LRATD1: variants seen among roughly 807,000 people sequenced by gnomAD.
The protein encoded by LRATD1 is LRAT domain containing 1.
Under a neutral mutation model 21.3 loss-of-function variants are expected in LRATD1, and 8 were observed. The observed-to-expected ratio is 0.38, with a 90% CI of 0.22 to 0.68. LRATD1 has a LOEUF of 0.68. Among genes scored for constraint, LRATD1 ranks in the 30% least tolerant of loss-of-function variants. The pLI, the probability that LRATD1 is intolerant of heterozygous loss-of-function variation, is 0.54. For synonymous variants in LRATD1, 210 were observed against 186.2 expected, an observed-to-expected ratio of 1.13 and a Z score of -1.04; for missense variants, 380 against 404.0, an observed-to-expected ratio of 0.94 and a Z score of 0.51.
downstream of LRATD1, chr2:14,650,889 A>G (rs1671993051): frequency 6.6e-6 from 1 of 152,206 alleles, no homozygotes; most frequent in Admixed American, 6.5e-5. Flanking sequence ...AATGAACATG[A>G]AAGATTTTAG....
rs1484219807 is a variant in LRATD1, at chr2:14,633,478, G to A, written c.-36-466G>A. ...TGTCATTGTGCGAGCCGCTGTAAGG[G>A]GAGGAAGGCAACCTAGTGCAAAACT... On this transcript the variant is annotated intron_variant, in intron 1 of 1. Coordinates refer to ENST00000295092, the MANE Select transcript of LRATD1 (RefSeq NM_145175.4). The surrounding 1 kb of genome is among the most constrained non-coding windows in gnomAD (Gnocchi z 7.5). The A allele has an allele frequency of 2.5e-5, 4 of 163,108 alleles. No individual in the cohort carries two copies. In the South Asian group the frequency reaches 5.5e-4, roughly 22 times the overall value. 10.1% of individuals were successfully genotyped at this position (163,108 alleles called of 1,614,324 possible).
rs1671684455 is a variant in LRATD1 at position 14,636,180 on chromosome 2, T to C, written c.*1322T>C. On this transcript the variant is annotated 3_prime_UTR_variant, in exon 2 of 2. Coordinates refer to ENST00000295092, the MANE Select transcript of LRATD1 (RefSeq NM_145175.4). ...GTTTTTCAATATTGTAGTTAATTTT[T>C]TGGCTTTCAACAGCAGCCCTAGTAA... The C allele has an allele frequency of 5.8e-6, 1 of 172,926 alleles. No homozygotes were observed. The highest frequency in any genetic ancestry group is 6.0e-5 in the Admixed American group (1 of 16,790). The allele number at this position is 172,926 out of a possible 1,614,324, so 10.7% of individuals were successfully genotyped here.
At chr2:14,645,251 C>T (rs1398466980) in intron 2 of LRATD1, among the ~76,000 whole-genome samples, 3 of 152,252 alleles carry the variant, frequency 2.0e-5, no homozygotes, top group African/African-American at 7.2e-5. Context: ...TGAAATTCAG[C>T]ACATCATACA....
downstream of LRATD1, among the ~76,000 whole-genome samples, chr2:14,641,612 C>G (rs1671806460): frequency 6.6e-6 from 1 of 152,212 alleles, no homozygotes; most frequent in Non-Finnish European, 1.5e-5. Context: ...AGAATCATCA[C>G]TCCCAAGTAA....
At position 14,634,627 on chromosome 2, in the gene LRATD1, C is replaced by T. The variant is rs1671638593; in HGVS notation, c.648C>T (p.Ala216=). 3 of 1,535,924 alleles carry T rather than the reference C, an allele frequency of 2.0e-6. No homozygotes were observed. The African/African-American group carries it at 4.1e-5, about 21-fold the overall frequency. The part of the protein sequence containing the change: ...EICWTNSESF[A]AWCRFGKREF... ...GCTGGACGAACTCGGAGAGCTTCGC[C>T]GCCTGGTGCCGCTTTGGCAAGCGGG... Residue 216 remains alanine (A), a synonymous_variant, in exon 2 of 2, where the codon GCC becomes GCT. Transcript: ENST00000295092.
rs1022283830 is a variant in LRATD1, at chr2:14,635,364, A to G, written c.*506A>G. 1.1e-5 allele frequency: 5 copies of G among 474,386 alleles called. No homozygotes were observed. The highest frequency in any genetic ancestry group is 2.2e-5 in the Non-Finnish European group (5 of 229,498). The allele number at this position is 474,386 out of a possible 1,614,324, so 29.4% of individuals were successfully genotyped here. ...GCGTCCCCAGATCGCAGGATTTCCA[A>G]GAAATCGAGCCTGTCCCTTGTGCAC... On this transcript the variant is annotated 3_prime_UTR_variant, in exon 2 of 2. Coordinates refer to ENST00000295092, the MANE Select transcript of LRATD1 (RefSeq NM_145175.4).
intron 4 of LRATD1, among the ~76,000 whole-genome samples, chr2:14,647,011 G>A (rs1313200635): frequency 6.6e-6 from 1 of 152,160 alleles, no homozygotes; most frequent in African/African-American, 2.4e-5. Context: ...TGAAAAACAC[G>A]TGGCTACACA....
exon 3 of LRATD1, chr2:14,646,186 C>G (rs1267080035): frequency 6.6e-6 from 1 of 152,146 alleles, no homozygotes; most frequent in Non-Finnish European, 1.5e-5. Context: ...TGAAGATGAG[C>G]TCTTAATTTT....
chr2:14,634,667 G>A lies in LRATD1; in HGVS notation c.688G>A (p.Gly230Arg), dbSNP rs781592536. Residue 230 changes from glycine to arginine, a missense_variant, in exon 2 of 2, where the codon GGG becomes AGG. Gly to Arg is a moderately radical substitution (Grantham distance 125, BLOSUM62 -2). Transcript: ENST00000295092. ...RFGKREFKAG[G>R]EVPAGTQPPQ... is the part of the protein sequence containing the mutation. Reference sequence around the variant, plus strand: ...TGGCAAGCGGGAGTTCAAGGCGGGAGGGGAGGTGCCGGCAGGCACGCAGCC... The same window carrying A: ...TGGCAAGCGGGAGTTCAAGGCGGGAAGGGAGGTGCCGGCAGGCACGCAGCC... 63 of 1,554,796 alleles carry A rather than the reference G, an allele frequency of 4.1e-5. No homozygotes were observed. Among genetic ancestry groups the A allele is most frequent in the African/African-American group, 5.5e-5 (4 of 73,036 alleles).
At chr2:14,647,625 A>G (rs2103414285) in intron 4 of LRATD1, among the ~76,000 whole-genome samples, 1 of 152,208 alleles carries the variant, frequency 6.6e-6, no homozygotes, top group African/African-American at 2.4e-5. Context: ...AAGACACTTA[A>G]GACCTTGCTT....
At chr2:14,644,074 T>A (rs79906897), downstream of LRATD1, among the ~76,000 whole-genome samples, 1 of 150,814 alleles carries the variant, frequency 6.6e-6, no homozygotes, top group Non-Finnish European at 1.5e-5. Context: ...TCCTTAAACA[T>A]GTGTTGGGTC....
At chr2:14,642,232 C>A (rs140240166), downstream of LRATD1, among the ~76,000 whole-genome samples, 85 of 152,198 alleles carry the variant, frequency 5.6e-4, no homozygotes, top group Non-Finnish European at 9.7e-4. Flanking sequence ...ATGATGTGAA[C>A]CTTCACTGTG....
Position 14,633,755 on chromosome 2 carries a change from T to TGTGGCGA in LRATD1, c.-36-188_-36-187insTGGCGAG, listed in dbSNP as rs1367791026. 1.7e-6 allele frequency: 1 copy of TGTGGCGA among 602,750 alleles called. No individual in the cohort carries two copies. The highest frequency in any genetic ancestry group is 2.9e-6 in the Non-Finnish European group (1 of 344,052). 37.3% of individuals were successfully genotyped at this position (602,750 alleles called of 1,614,324 possible). On this transcript the variant is annotated intron_variant, in intron 1 of 1. Transcript: ENST00000295092. The surrounding 1 kb of genome is among the most constrained non-coding windows in gnomAD (Gnocchi z 7.5). ...CTGTGTGGTGGCGTCTGCTCTCGCC[T>TGTGGCGA]GACCTGTGGCGGCTTCTCCGCCCCT...
downstream of LRATD1, among the ~76,000 whole-genome samples, chr2:14,642,322 C>A (rs1369020734): frequency 6.6e-6 from 1 of 152,126 alleles, no homozygotes; most frequent in Non-Finnish European, 1.5e-5. Context: ...ATGGTACAAA[C>A]ATTTCTTCTT....
At chr2:14,643,227 T>G (rs766623702), downstream of LRATD1, among the ~76,000 whole-genome samples, 4 of 152,174 alleles carry the variant, frequency 2.6e-5, no homozygotes, top group Non-Finnish European at 4.4e-5. Flanking sequence ...GCTTTATTTG[T>G]GTATAATTTT....
intron 4 of LRATD1, among the ~76,000 whole-genome samples, chr2:14,648,812 G>A (rs149349381): frequency 3.3e-5 from 5 of 152,248 alleles, no homozygotes; most frequent in African/African-American, 7.2e-5. Flanking sequence ...TACTCAGGAC[G>A]TCCATCTGCC....
In LRATD1 at chr2:14,634,795, C is replaced by A. The variant is rs1331530050; in HGVS notation, c.816C>A (p.Ile272=). The A allele has an allele frequency of 1.9e-6, 3 of 1,605,342 alleles. No individual in the cohort carries two copies. The highest frequency in any genetic ancestry group is 2.6e-6 in the Non-Finnish European group (3 of 1,175,060). ...ACCTCATCCGCGAGAAGCGCCGTAT[C>A]GACGCCAGCGGCCGCCTGCGAGTGC... is the stretch of plus-strand genomic sequence containing the variant. ...LEDLIREKRR[I]DASGRLRVLQ... is the part of the protein sequence containing the mutation. Residue 272 remains isoleucine (I), a synonymous_variant, in exon 2 of 2, where the codon ATC becomes ATA. Transcript: ENST00000295092.
rs1400948379 is a variant in LRATD1 at position 14,638,148 on chromosome 2, G to A, written c.*3290G>A. On this transcript the variant is annotated 3_prime_UTR_variant, in exon 2 of 2. Coordinates refer to ENST00000295092, the MANE Select transcript of LRATD1 (RefSeq NM_145175.4). ...TAAACCAAAAATCAAATAAAATAAGGAGGGGGGCTGGGTATACTTTAAACA... is the reference window on the plus strand; with the variant it reads ...TAAACCAAAAATCAAATAAAATAAGAAGGGGGGCTGGGTATACTTTAAACA... 2 of 164,752 alleles carry A rather than the reference G, an allele frequency of 1.2e-5. No homozygotes were observed. Among genetic ancestry groups the A allele is most frequent in the South Asian group, 2.1e-4 (1 of 4,746 alleles). The allele number at this position is 164,752 out of a possible 1,614,324, so 10.2% of individuals were successfully genotyped here.
rs1671775489 is a variant in LRATD1 at position 14,639,871 on chromosome 2, C to CA, written c.*5016dup. On this transcript the variant is annotated 3_prime_UTR_variant, in exon 2 of 2. Transcript: ENST00000295092. The stretch of plus-strand genomic sequence containing the variant: ...GAAAGCCCGTCACTTGCCTTGCCTG[C>CA]AAAGGCGAGCCTAAAGAAATTTCTC... 6.0e-6 allele frequency: 1 copy of CA among 167,144 alleles called. No individual in the cohort carries two copies. Among genetic ancestry groups the CA allele is most frequent in the Admixed American group, 6.5e-5 (1 of 15,290 alleles). 10.4% of individuals were successfully genotyped at this position (167,144 alleles called of 1,614,324 possible).
Sources: gnomAD v4.1 joint callset for allele counts (sites outside exome capture counted in the v4.1 genomes callset) on GRCh38, gnomAD v4.1.1 for gene constraint, Gnocchi (gnomAD v3.1) non-coding constraint, MANE v1.5 for transcripts, NCBI Gene and HGNC (gene_info 2026-07-23, HGNC 2026-07-21) for gene names.